Variants in NELL1 observed in about 807,000 individuals in gnomAD.
NELL1 encodes neural EGFL like 1.
NELL1 carries 76 observed loss-of-function variants against 107.4 expected under a neutral mutation model. The ratio of observed to expected loss-of-function variants is 0.71; its 90% CI spans 0.59 to 0.86. The LOEUF is 0.86. NELL1 is among the 40% of genes least tolerant of loss of function. The pLI is 0.00. For missense variants in NELL1, 1,024 were observed against 1,005.5 expected (o/e 1.02, Z -0.25); for synonymous variants, 353 against 341.2 (o/e 1.03, Z -0.38).
At chr11:20,947,315 T>A in intron 10 of NELL1, 21 bp from the exon 11 acceptor site, 1 of 1,535,588 alleles carries the variant, frequency 6.5e-7, no homozygotes, top group Non-Finnish European at 9.0e-7. Flanking sequence ...TCTTTTTCTT[T>A]CCCTAATATT....
intron 14 of NELL1, among the ~76,000 whole-genome samples, chr11:21,258,510 A>C (rs1858826276): frequency 6.6e-6 from 1 of 151,960 alleles, no homozygotes; most frequent in South Asian, 2.1e-4. Context: ...GCAAGTCCTA[A>C]ATTTGCAGAG....
intron 12 of NELL1, among the ~76,000 whole-genome samples, chr11:21,092,059 A>G (rs1272109216): frequency 6.6e-6 from 1 of 152,192 alleles, no homozygotes; most frequent in Non-Finnish European, 1.5e-5. Context: ...AGGATGAGAA[A>G]TGGCACCGAG....
intron 7 of NELL1, among the ~76,000 whole-genome samples, chr11:20,926,286 C>T (rs765006451): frequency 6.6e-6 from 1 of 151,926 alleles, no homozygotes; most frequent in African/African-American, 2.4e-5. Flanking sequence ...CTGGAGTAGG[C>T]TGTATGAAAA....
intron 15 of NELL1, among the ~76,000 whole-genome samples, chr11:21,452,137 A>G (rs1564900840): frequency 6.6e-6 from 1 of 152,174 alleles, no homozygotes; most frequent in Non-Finnish European, 1.5e-5. Flanking sequence ...GGAGAGAGGA[A>G]GGAAACATTG....
chr11:21,082,676 G>A (rs923700590), intron 12 of NELL1, among the ~76,000 whole-genome samples: 2 of 152,004 alleles, frequency 1.3e-5, no homozygotes, highest in African/African-American at 4.8e-5. Flanking sequence ...TTTTTTCTCA[G>A]ACTTATCTCT....
chr11:20,766,269 G>A (rs1856526898), intron 2 of NELL1, among the ~76,000 whole-genome samples: 1 of 152,188 alleles, frequency 6.6e-6, no homozygotes, highest in Non-Finnish European at 1.5e-5. Flanking sequence ...CTATTTTCAT[G>A]TGAAGTCATG....
At chr11:21,144,918 G>A (rs1590677090) in intron 13 of NELL1, among the ~76,000 whole-genome samples, 1 of 152,252 alleles carries the variant, frequency 6.6e-6, no homozygotes, top group African/African-American at 2.4e-5. Flanking sequence ...GAATCAGGCA[G>A]ATCTGATGGG....
intron 19 of NELL1, among the ~76,000 whole-genome samples, chr11:21,573,904 T>C (rs1012212815): frequency 4.6e-5 from 7 of 151,662 alleles, no homozygotes; most frequent in African/African-American, 1.7e-4. Flanking sequence ...TTTTGCTTTG[T>C]TTAATTATCA....
intron 3 of NELL1, among the ~76,000 whole-genome samples, chr11:20,802,267 TC>T (rs1206544035): frequency 6.6e-6 from 1 of 152,156 alleles, no homozygotes; most frequent in Non-Finnish European, 1.5e-5. Context: ...CATTCTTTTA[TC>T]AATGTTTTCA....
intron 16 of NELL1, among the ~76,000 whole-genome samples, chr11:21,544,161 A>G (rs1162165827): frequency 6.6e-6 from 1 of 152,020 alleles, no homozygotes; most frequent in Non-Finnish European, 1.5e-5. Context: ...TGAAGTTCAC[A>G]TGGGCAGTAA....
chr11:21,029,500 C>T (rs529075385), intron 12 of NELL1, among the ~76,000 whole-genome samples: 7 of 152,194 alleles, frequency 4.6e-5, no homozygotes, highest in African/African-American at 9.6e-5. Context: ...CCACCACCAC[C>T]GTCACCATCA....
chr11:20,672,914 T>C (rs1230684377), intron 1 of NELL1, among the ~76,000 whole-genome samples: 1 of 142,888 alleles, frequency 7.0e-6, no homozygotes, highest in Non-Finnish European at 1.5e-5. Flanking sequence ...TGCAGCGACA[T>C]GATCTCGGCT....
chr11:20,755,397 A>T (rs1485442665), intron 2 of NELL1, among the ~76,000 whole-genome samples: 1 of 152,162 alleles, frequency 6.6e-6, no homozygotes, highest in Non-Finnish European at 1.5e-5. Context: ...ATCTCCATGG[A>T]CTGTAACCAG....
intron 12 of NELL1, among the ~76,000 whole-genome samples, chr11:21,090,505 C>A (rs991866723): frequency 6.6e-6 from 1 of 152,036 alleles, no homozygotes; most frequent in African/African-American, 2.4e-5. Flanking sequence ...AACTTGGGGT[C>A]AGGGGTTTGA....
chr11:21,269,236 G>A (rs1848692846), intron 14 of NELL1, among the ~76,000 whole-genome samples: 1 of 151,898 alleles, frequency 6.6e-6, no homozygotes, highest in Non-Finnish European at 1.5e-5. Flanking sequence ...GAAACAATAG[G>A]AATATGGGAA....
chr11:20,765,891 A>T (rs1219329367), intron 2 of NELL1, among the ~76,000 whole-genome samples: 1 of 152,356 alleles, frequency 6.6e-6, no homozygotes, highest in South Asian at 2.1e-4. Context: ...AGTGTTAAGT[A>T]TATTCATGGT....
intron 12 of NELL1, among the ~76,000 whole-genome samples, chr11:20,967,475 CAG>C (rs1181915766): frequency 1.3e-5 from 2 of 152,058 alleles, no homozygotes; most frequent in African/African-American, 4.8e-5. Context: ...GTGTTGAAAA[CAG>C]AGAATCAGGT....
chr11:21,239,588 T>C (rs1386261377), intron 14 of NELL1, among the ~76,000 whole-genome samples: 1 of 152,078 alleles, frequency 6.6e-6, no homozygotes, highest in East Asian at 1.9e-4. Flanking sequence ...ATTTAAGTTT[T>C]AGCCATAAAT....
intron 14 of NELL1, among the ~76,000 whole-genome samples, chr11:21,262,995 A>G (rs1848563449): frequency 6.6e-6 from 1 of 151,752 alleles, no homozygotes; most frequent in African/African-American, 2.4e-5. Context: ...CGTTCACTTT[A>G]TCTTGTAACC....
Sources: gnomAD v4.1 joint callset for allele counts (sites outside exome capture counted in the v4.1 genomes callset) on GRCh38, gnomAD v4.1.1 for gene constraint, MANE v1.5 for transcripts, NCBI Gene and HGNC (gene_info 2026-07-23, HGNC 2026-07-21) for gene names.